The following CFAP184 variants were observed in gnomAD, a reference collection of about 807,000 sequenced individuals.
The protein encoded by CFAP184 is cilia- and flagella-associated protein 184.
At chr4:7,042,260 C>A in the CFAP184 span, 1 of 1,593,064 alleles carries the variant, frequency 6.3e-7, no homozygotes, top group Non-Finnish European at 8.6e-7. Context: ...TCCAGGAGGT[C>A]GCTGCGCAGC....
chr4:7,041,196 G>T, the CFAP184 span: 2 of 1,501,452 alleles, frequency 1.3e-6, no homozygotes, highest in Non-Finnish European at 1.8e-6. Flanking sequence ...CTTTTTAATA[G>T]CAACGAAGGT....
chr4:7,042,588 G>A, the CFAP184 span: 9 of 1,542,388 alleles, frequency 5.8e-6, no homozygotes, highest in Admixed American at 1.9e-5. Flanking sequence ...CTAGTTCCTC[G>A]GGCCCGGCTC....
At chr4:7,042,274 T>TG in the CFAP184 span, 1 of 1,592,500 alleles carries the variant, frequency 6.3e-7, no homozygotes, top group African/African-American at 1.3e-5. Context: ...GCGCAGCTGC[T>TG]GCTCCTGCAG....
At chr4:7,042,618 C>T in the CFAP184 span, 1 of 1,504,936 alleles carries the variant, frequency 6.6e-7, no homozygotes. Context: ...GCTGGGCGGG[C>T]TCCTCAGCCC....
the CFAP184 span, chr4:7,041,507 G>T: frequency 6.2e-7 from 1 of 1,614,222 alleles, no homozygotes; most frequent in Non-Finnish European, 8.5e-7. Flanking sequence ...GTCTTGGTCA[G>T]GATGTCTCTT....
the CFAP184 span, chr4:7,042,455 T>A: frequency 6.2e-7 from 1 of 1,611,262 alleles, no homozygotes. Context: ...ACCCGCTCTG[T>A]CTCGGCCTCC....
At chr4:7,042,966 AC>A in the CFAP184 span, 2 of 1,395,650 alleles carry the variant, frequency 1.4e-6, no homozygotes, top group Non-Finnish European at 1.9e-6. Context: ...AGCGCAGCGG[AC>A]CCCGGCAGGA....
the CFAP184 span, chr4:7,041,895 C>T: frequency 2.5e-6 from 4 of 1,612,172 alleles, no homozygotes; most frequent in Admixed American, 3.3e-5. Context: ...GGCGCCCGCC[C>T]CTCATCCGAC....
the CFAP184 span, chr4:7,041,141 T>C: frequency 7.2e-7 from 1 of 1,380,916 alleles, no homozygotes; most frequent in Non-Finnish European, 9.5e-7. Flanking sequence ...GCTAAAACGT[T>C]TTGAGATAAA....
At chr4:7,042,371 G>A in the CFAP184 span, 3 of 1,610,914 alleles carry the variant, frequency 1.9e-6, no homozygotes, top group Non-Finnish European at 2.5e-6. Context: ...TTGGCCGGGC[G>A]TCCTTCCCCA....
chr4:7,041,613 T>C, the CFAP184 span: 1 of 1,614,266 alleles, frequency 6.2e-7, no homozygotes, highest in East Asian at 2.2e-5. Flanking sequence ...CGTGGGTTAT[T>C]ACTTGCACAC....
the CFAP184 span, chr4:7,042,695 C>A: frequency 6.6e-7 from 1 of 1,511,704 alleles, no homozygotes; most frequent in Non-Finnish European, 8.8e-7. Context: ...CCAGGCCCCT[C>A]CTCGCCCGCA....
At chr4:7,041,413 CGAA>C in the CFAP184 span, 1 of 1,614,228 alleles carries the variant, frequency 6.2e-7, no homozygotes, top group Non-Finnish European at 8.5e-7. Context: ...TTCCAAGTCC[CGAA>C]GAAGTGAGTC....
At chr4:7,042,282 C>T in the CFAP184 span, 2 of 1,591,452 alleles carry the variant, frequency 1.3e-6, no homozygotes, top group Non-Finnish European at 1.7e-6. Flanking sequence ...GCTGCTCCTG[C>T]AGCTTCTGGA....
the CFAP184 span, chr4:7,041,442 G>T: frequency 3.1e-6 from 5 of 1,614,098 alleles, no homozygotes; most frequent in Non-Finnish European, 4.2e-6. Flanking sequence ...CTAGAAGGCC[G>T]CACTTCTGAT....
At chr4:7,042,027 C>T in the CFAP184 span, 1 of 1,611,944 alleles carries the variant, frequency 6.2e-7, no homozygotes, top group Non-Finnish European at 8.5e-7. Flanking sequence ...CCTGGTGGTA[C>T]CACTGCAGGT....
At chr4:7,042,630 A>G in the CFAP184 span, 1,456,937 of 1,497,818 alleles carry the variant, frequency 0.97, 708,799 homozygotes, top group East Asian at 1. Context: ...CCTCAGCCCC[A>G]ACCTCGGCCG....
At chr4:7,042,944 C>T in the CFAP184 span, 9 of 1,419,054 alleles carry the variant, frequency 6.3e-6, no homozygotes, top group Non-Finnish European at 8.3e-6. Context: ...TCCATCTCCT[C>T]CCGGCTCGGC....
At chr4:7,041,220 A>G in the CFAP184 span, 3 of 1,518,530 alleles carry the variant, frequency 2.0e-6, no homozygotes, top group African/African-American at 2.8e-5. Context: ...ATAAAGCAGG[A>G]CAGCACGTCC....
Sources: allele counts gnomAD v4.1 joint callset, GRCh38; gene constraint gnomAD v4.1.1; transcripts MANE v1.5; gene names NCBI Gene and HGNC (gene_info 2026-07-23, HGNC 2026-07-21).